Variants in DENND1B observed in about 807,000 individuals in gnomAD.
DENND1B encodes DENN domain-containing protein 1B.
DENND1B carries 59 observed loss-of-function variants against 90.1 expected under a neutral mutation model. The ratio of observed to expected loss-of-function variants is 0.65; its 90% CI spans 0.53 to 0.81. The LOEUF is 0.81. Ranked by LOEUF, DENND1B falls within the 40% of genes least tolerant of loss-of-function variation. The pLI, the probability that DENND1B is intolerant of heterozygous loss-of-function variation, is 0.00. For missense variants in DENND1B, 862 were observed against 912.6 expected, an observed-to-expected ratio of 0.94 and a Z score of 0.71; for synonymous variants, 337 against 324.6, an observed-to-expected ratio of 1.04 and a Z score of -0.41.
intron 13 of DENND1B, among the ~76,000 whole-genome samples, chr1:197,600,036 A>C (rs745802244): frequency 6.6e-6 from 1 of 151,726 alleles, no homozygotes; most frequent in Non-Finnish European, 1.5e-5. Context: ...AAACCTTTAT[A>C]TATGTTATCT....
At chr1:197,773,753 T>A (rs1656903477) in intron 1 of DENND1B, among the ~76,000 whole-genome samples, 1 of 152,242 alleles carries the variant, frequency 6.6e-6, no homozygotes, top group Non-Finnish European at 1.5e-5. Flanking sequence ...AACTGAAATA[T>A]ACTGAGACAC....
intron 11 of DENND1B, among the ~76,000 whole-genome samples, chr1:197,612,810 C>CA (rs1233383080): frequency 3.3e-5 from 5 of 150,336 alleles, no homozygotes; most frequent in Non-Finnish European, 7.5e-5. Context: ...TATACTCTTG[C>CA]AAAAAATATA....
In DENND1B at chr1:197,772,944, A is replaced by C; in HGVS notation, c.18-12T>G. The C allele has an allele frequency of 6.5e-7, 1 of 1,548,540 alleles. No homozygotes were observed. ...TGTCTGGATTTGCCCTAAAAGGAAA[A>C]AGTTTAAATTAATTTCCTATGACAA... On this transcript the variant is annotated splice_polypyrimidine_tract_variant and intron_variant, in intron 1 of 22. Coordinates refer to ENST00000620048, the MANE Select transcript of DENND1B (RefSeq NM_001195215.2).
At chr1:197,512,176 G>A (rs1668076114) in intron 21 of DENND1B, among the ~76,000 whole-genome samples, 1 of 151,694 alleles carries the variant, frequency 6.6e-6, no homozygotes, top group South Asian at 2.1e-4. Context: ...GAAAGTAGAA[G>A]CAGGGCTTTT....
At chr1:197,749,466 A>C (rs1571606902) in intron 2 of DENND1B, among the ~76,000 whole-genome samples, 2 of 152,240 alleles carry the variant, frequency 1.3e-5, no homozygotes, top group East Asian at 1.9e-4. Flanking sequence ...ATCATCAAAA[A>C]CTATGCAAGC....
At chr1:197,542,714 T>C (rs901677843) in intron 18 of DENND1B, among the ~76,000 whole-genome samples, 3 of 152,120 alleles carry the variant, frequency 2.0e-5, no homozygotes, top group African/African-American at 7.2e-5. Flanking sequence ...AGAGTACACA[T>C]TTCAGAAAAT....
intron 10 of DENND1B, among the ~76,000 whole-genome samples, chr1:197,619,538 G>A (rs947060085): frequency 4.0e-5 from 6 of 151,170 alleles, no homozygotes; most frequent in African/African-American, 1.5e-4. Context: ...ACAAAAAAGA[G>A]AGAGTGTTCT....
At chr1:197,680,372 T>A (rs911565205) in intron 3 of DENND1B, among the ~76,000 whole-genome samples, 9 of 152,176 alleles carry the variant, frequency 5.9e-5, no homozygotes, top group Non-Finnish European at 1.0e-4. Context: ...CCCATAATAT[T>A]TGCTTACATT....
At chr1:197,609,230 G>GT (rs775746470) in intron 12 of DENND1B, among the ~76,000 whole-genome samples, 4 of 150,580 alleles carry the variant, frequency 2.7e-5, no homozygotes, top group Non-Finnish European at 4.5e-5. Context: ...AAGAACAACT[G>GT]TAAGGTGGTG....
At chr1:197,780,321 G>A (rs1421785425), upstream of DENND1B, among the ~76,000 whole-genome samples, 1 of 150,804 alleles carries the variant, frequency 6.6e-6, no homozygotes, top group Non-Finnish European at 1.5e-5. Flanking sequence ...ATGAAAGGTG[G>A]CTTTTCTTTT....
At chr1:197,597,904 C>G (rs1675853248) in intron 13 of DENND1B, among the ~76,000 whole-genome samples, 1 of 151,560 alleles carries the variant, frequency 6.6e-6, no homozygotes, top group Admixed American at 6.6e-5. Context: ...TTAGAAGACT[C>G]AGTACAAAAA....
chr1:197,735,907 T>C (rs2102340415), intron 2 of DENND1B: 1 of 1,527,704 alleles, frequency 6.5e-7, no homozygotes, highest in Non-Finnish European at 9.0e-7. Flanking sequence ...GCTGATATAA[T>C]GGCCAAGAGG....
At chr1:197,648,256 T>C (rs1179830885) in intron 7 of DENND1B, among the ~76,000 whole-genome samples, 2 of 152,150 alleles carry the variant, frequency 1.3e-5, no homozygotes, top group Admixed American at 1.3e-4. Context: ...TTCTCAAAAG[T>C]TGACATGCTC....
In DENND1B at chr1:197,775,312, G is replaced by T; in HGVS notation, c.-157C>A. On this transcript the variant is annotated 5_prime_UTR_variant, in exon 1 of 23. Transcript: ENST00000620048. ...CAGCCGTGGCGGCGGGCCCATGTCG[G>T]CTGCGCCCCCGGCACTTCCCCGCCT... 1 of 480,214 alleles carries T rather than the reference G, an allele frequency of 2.1e-6. No individual in the cohort carries two copies. The highest frequency in any genetic ancestry group is 3.2e-6 in the Non-Finnish European group (1 of 308,196). The allele number at this position is 480,214 out of a possible 1,614,324, so 29.7% of individuals were successfully genotyped here. A position where few individuals can be genotyped will look rare whatever the true frequency, so the allele number is the denominator to read the frequency against.
intron 20 of DENND1B, among the ~76,000 whole-genome samples, chr1:197,517,895 C>T (rs1360234910): frequency 6.7e-6 from 1 of 149,976 alleles, no homozygotes; most frequent in Non-Finnish European, 1.5e-5. Context: ...CTTCTTTCTT[C>T]CTGGCTCTTC....
chr1:197,583,071 G>T, intron 15 of DENND1B, 81 bp downstream of exon 15: 1 of 1,317,074 alleles, frequency 7.6e-7, no homozygotes, highest in Non-Finnish European at 1.1e-6. Context: ...CTCAGGGTTT[G>T]TACATAGTTT....
rs78715859 is a variant in DENND1B at position 197,694,518 on chromosome 1, A to G, written c.127-20349T>C. 5.8e-3 allele frequency among the ~76,000 whole-genome samples: 881 copies of G among 151,556 alleles called. 9 individuals carry two copies. The highest frequency in any genetic ancestry group is 0.02 in the African/African-American group (814 of 41,508). On this transcript the variant is annotated intron_variant, in intron 3 of 22. Coordinates refer to ENST00000620048, the MANE Select transcript of DENND1B (RefSeq NM_001195215.2). ...TATTTATGTTTTTTCTCCCGACTTCAGGAGAATTGCTTCTAATTCATCAGC... is the reference window on the plus strand; with the variant it reads ...TATTTATGTTTTTTCTCCCGACTTCGGGAGAATTGCTTCTAATTCATCAGC...
At chr1:197,667,150 C>T (rs956002486) in intron 5 of DENND1B, among the ~76,000 whole-genome samples, 1 of 150,084 alleles carries the variant, frequency 6.7e-6, no homozygotes, top group African/African-American at 2.4e-5. Flanking sequence ...AAAAAAAAGA[C>T]AAACTTTTTC....
intron 14 of DENND1B, among the ~76,000 whole-genome samples, chr1:197,589,529 TA>T (rs1403892763): frequency 6.6e-6 from 1 of 152,168 alleles, no homozygotes; most frequent in African/African-American, 2.4e-5. Flanking sequence ...CTTGGATTTT[TA>T]AAACTCTAAT....
Sources: allele counts gnomAD v4.1 joint callset (sites outside exome capture counted in the v4.1 genomes callset), GRCh38; gene constraint gnomAD v4.1.1; transcripts MANE v1.5; gene names NCBI Gene and HGNC (gene_info 2026-07-23, HGNC 2026-07-21).